Variants in PDLIM5 observed in about 807,000 individuals in gnomAD.
PDLIM5 encodes the protein PDZ and LIM domain protein 5.
PDLIM5 carries 34 observed loss-of-function variants against 64.2 expected under a neutral mutation model. The ratio of observed to expected loss-of-function variants is 0.53; its 90% CI spans 0.40 to 0.71. PDLIM5 has a LOEUF of 0.71. PDLIM5 is among the 30% of genes least tolerant of loss of function. PDLIM5 has a pLI of 0.00. For synonymous variants in PDLIM5, 253 were observed against 269.1 expected (o/e 0.94, Z 0.59); for missense variants, 683 against 733.6 (o/e 0.93, Z 0.80).
In PDLIM5 at chr4:94,513,207, T is replaced by G. The variant is rs115593326; in HGVS notation, c.97-10517T>G. ...TCTTTGTGCTAAGGATAGCTTTGGC[T>G]ATTCTGGGTCTTTTATGTTTCCACG... On this transcript the variant is annotated intron_variant, in intron 2 of 12. Transcript: ENST00000317968. Among the ~76,000 whole-genome samples, 1,139 of 152,340 alleles carry G rather than the reference T, an allele frequency of 7.5e-3. 10 individuals carry two copies. Among genetic ancestry groups the G allele is most frequent in the African/African-American group, 0.026 (1,061 of 41,574 alleles).
intron 3 of PDLIM5, among the ~76,000 whole-genome samples, chr4:94,560,690 A>G (rs1006168915): frequency 3.9e-5 from 6 of 152,124 alleles, no homozygotes; most frequent in Non-Finnish European, 8.8e-5. Flanking sequence ...AGGCTGTGTT[A>G]TACTTATCAA....
intron 5 of PDLIM5, among the ~76,000 whole-genome samples, chr4:94,580,276 T>C (rs1735624677): frequency 6.6e-6 from 1 of 152,172 alleles, no homozygotes. Flanking sequence ...TACTAAAAGT[T>C]TTTTTGGCAT....
At chr4:94,636,035 G>C (rs545618659) in intron 8 of PDLIM5, among the ~76,000 whole-genome samples, 6 of 152,142 alleles carry the variant, frequency 3.9e-5, no homozygotes, top group African/African-American at 1.4e-4. Context: ...AAGGAATAGC[G>C]GTAGAACTTA....
chr4:94,540,129 CTTCTT>C (rs1731662898), intron 3 of PDLIM5, among the ~76,000 whole-genome samples: 1 of 133,598 alleles, frequency 7.5e-6, no homozygotes, highest in African/African-American at 3.1e-5. Flanking sequence ...TGCTACTATT[CTTCTT>C]TTTTTTTTTT....
intron 2 of PDLIM5, among the ~76,000 whole-genome samples, chr4:94,463,818 C>T (rs1166783291): frequency 6.6e-6 from 1 of 152,018 alleles, no homozygotes; most frequent in East Asian, 1.9e-4. Context: ...CACTATGGTC[C>T]GAGGAATGGC....
intron 2 of PDLIM5, among the ~76,000 whole-genome samples, chr4:94,459,312 C>T (rs904163698): frequency 1.3e-5 from 2 of 152,278 alleles, no homozygotes; most frequent in African/African-American, 4.8e-5. Flanking sequence ...TCTGTAAACA[C>T]ATTTTAGATG....
At chr4:94,599,077 G>C (rs2110345628) in intron 7 of PDLIM5, among the ~76,000 whole-genome samples, 1 of 152,242 alleles carries the variant, frequency 6.6e-6, no homozygotes, top group Non-Finnish European at 1.5e-5. Context: ...AAGGAGTTCA[G>C]ATTATTTTTC....
intron 7 of PDLIM5, among the ~76,000 whole-genome samples, chr4:94,592,134 C>T (rs1232382841): frequency 6.6e-6 from 1 of 152,130 alleles, no homozygotes; most frequent in African/African-American, 2.4e-5. Flanking sequence ...TCATCACAGG[C>T]AGCCTAAGAG....
intron 9 of PDLIM5, 110 bp downstream of exon 9, chr4:94,640,560 C>A: frequency 1.5e-6 from 1 of 665,890 alleles, no homozygotes; most frequent in Non-Finnish European, 2.6e-6. Context: ...AATATTCTTG[C>A]CATAATCCTA....
At chr4:94,566,082 GTTATTT>G (rs1734292007) in intron 3 of PDLIM5, among the ~76,000 whole-genome samples, 1 of 152,160 alleles carries the variant, frequency 6.6e-6, no homozygotes, top group Non-Finnish European at 1.5e-5. Flanking sequence ...CTTTACCAAA[GTTATTT>G]TATAACTTTC....
intron 7 of PDLIM5, chr4:94,586,927 C>A: frequency 1.5e-6 from 2 of 1,366,974 alleles, no homozygotes; most frequent in Non-Finnish European, 2.0e-6. Context: ...GAACCTTTTT[C>A]CTTCTATTTC....
rs147825854 is a variant in PDLIM5, at chr4:94,663,957, T to C, written c.1702-21T>C. Reference sequence around the variant, plus strand: ...TAATATCCTCTTAAATAATATCTCTTAAATGCTGCTTCTTTTTCAGGTGTG... The same window carrying C: ...TAATATCCTCTTAAATAATATCTCTCAAATGCTGCTTCTTTTTCAGGTGTG... On this transcript the variant is annotated intron_variant, in intron 12 of 12. Transcript: ENST00000317968. The C allele has an allele frequency of 6.0e-4, 951 of 1,592,230 alleles. 8 individuals are homozygous for C. The East Asian group carries it at 0.019, about 31-fold the overall frequency.
intron 3 of PDLIM5, among the ~76,000 whole-genome samples, chr4:94,559,345 A>T (rs1578374374): frequency 6.6e-6 from 1 of 152,146 alleles, no homozygotes; most frequent in South Asian, 2.1e-4. Context: ...GTTGCCAAAC[A>T]TTTCTTCTAT....
intron 3 of PDLIM5, among the ~76,000 whole-genome samples, chr4:94,564,770 C>T (rs1043211929): frequency 1.3e-5 from 2 of 150,168 alleles, no homozygotes; most frequent in Non-Finnish European, 3.0e-5. Context: ...ATTCTCCTGC[C>T]TCAGCCTCCC....
Position 94,665,748 on chromosome 4 carries a change from A to G in PDLIM5, c.*1681A>G. 8.1e-7 allele frequency: 1 copy of G among 1,230,894 alleles called. No individual in the cohort carries two copies. The highest frequency in any genetic ancestry group is 1.0e-6 in the Non-Finnish European group (1 of 986,024). The allele number at this position is 1,230,894 out of a possible 1,614,324, so 76.2% of individuals were successfully genotyped here. A position where few individuals can be genotyped will look rare whatever the true frequency, so the allele number is the denominator to read the frequency against. The stretch of plus-strand genomic sequence containing the variant: ...TTGGTTTGAGGATGTGATGAAATTG[A>G]GACTTTTTGTGGTTTTCTCTCAATA... On this transcript the variant is annotated 3_prime_UTR_variant, in exon 13 of 13. Transcript: ENST00000317968.
chr4:94,661,638 T>G (rs1742727928), intron 11 of PDLIM5, among the ~76,000 whole-genome samples: 1 of 152,202 alleles, frequency 6.6e-6, no homozygotes, highest in South Asian at 2.1e-4. Flanking sequence ...TAGCACTTAT[T>G]CATGTAAGTT....
At chr4:94,587,109 C>G (rs1342191210) in intron 7 of PDLIM5, 1 of 1,578,134 alleles carries the variant, frequency 6.3e-7, no homozygotes, top group Non-Finnish European at 8.6e-7. Context: ...CCCAAGCAGC[C>G]AGCACATACC....
chr4:94,458,478 T>C (rs561790340), intron 2 of PDLIM5, among the ~76,000 whole-genome samples: 71 of 152,266 alleles, frequency 4.7e-4, no homozygotes, highest in African/African-American at 1.7e-3. Flanking sequence ...CATACAGTTA[T>C]GGTTTTGTTT....
At chr4:94,456,177 T>G (rs1184570378) in intron 2 of PDLIM5, 5 of 452,298 alleles carry the variant, frequency 1.1e-5, no homozygotes, top group Non-Finnish European at 1.1e-5. Context: ...CCATCTTCTT[T>G]TACTCAAATG....
Sources: gnomAD v4.1 joint callset for allele counts (sites outside exome capture counted in the v4.1 genomes callset) on GRCh38, gnomAD v4.1.1 for gene constraint, MANE v1.5 for transcripts, NCBI Gene and HGNC (gene_info 2026-07-23, HGNC 2026-07-21) for gene names.